Variants in MAP2 observed in about 807,000 individuals in gnomAD.
The protein encoded by MAP2 is microtubule-associated protein 2.
Under a neutral mutation model 137.6 loss-of-function variants are expected in MAP2, and 14 were observed. The ratio of observed to expected loss-of-function variants is 0.10; its 90% CI spans 0.07 to 0.16. MAP2 has a LOEUF of 0.16. Ranked by LOEUF, MAP2 falls within the 10% of genes least tolerant of loss-of-function variation. MAP2 has a pLI of 1.00. For synonymous variants in MAP2, 786 were observed against 782.3 expected (o/e 1.00, Z -0.08); for missense variants, 2,088 against 2,191.5 (o/e 0.95, Z 0.94).
chr2:209,584,155 G>C (rs1314506310), intron 3 of MAP2, among the ~76,000 whole-genome samples: 2 of 151,902 alleles, frequency 1.3e-5, no homozygotes, highest in Non-Finnish European at 2.9e-5. Context: ...AACATATTAT[G>C]GATAATTTAT....
chr2:209,469,680 C>A (rs889704445), intron 1 of MAP2, among the ~76,000 whole-genome samples: 16 of 152,124 alleles, frequency 1.1e-4, no homozygotes, highest in Non-Finnish European at 1.5e-4. Context: ...CTCTCTCATA[C>A]ACACATCCCT....
chr2:209,509,903 A>G (rs2061522465), intron 2 of MAP2, among the ~76,000 whole-genome samples: 1 of 151,918 alleles, frequency 6.6e-6, no homozygotes, highest in African/African-American at 2.4e-5. Context: ...CTATAGTTAA[A>G]TTGACAGCAT....
intron 1 of MAP2, among the ~76,000 whole-genome samples, chr2:209,462,538 T>G (rs1365177294): frequency 6.6e-6 from 1 of 152,142 alleles, no homozygotes; most frequent in Non-Finnish European, 1.5e-5. Context: ...ACCTAGGAGC[T>G]GGGATCCAAG....
chr2:209,710,066 C>G lies in MAP2; in HGVS notation c.4885C>G (p.Pro1629Ala), dbSNP rs1212058077. 1 of 1,614,012 alleles carries G rather than the reference C, an allele frequency of 6.2e-7. No individual in the cohort carries two copies. The highest frequency in any genetic ancestry group is 2.2e-5 in the East Asian group (1 of 44,858). ...TPSYPRTPHTPGTPKSAILVP... is the reference protein window; with the variant it reads ...TPSYPRTPHTAGTPKSAILVP... ...TAGCTATCCCAGGACCCCTCACACACCAGGAACCCCCAAGTCTGCCATCTT... is the reference window on the plus strand; with the variant it reads ...TAGCTATCCCAGGACCCCTCACACAGCAGGAACCCCCAAGTCTGCCATCTT... The change falls in exon 13 of 16, where the codon CCA becomes GCA. Residue 1629 changes from proline to alanine, a missense_variant. By Grantham distance (27) the Pro-to-Ala change is conservative. Around this residue, in one of 6 missense-constraint regions of MAP2, gnomAD observed 591 missense variants for 642.6 expected, o/e 0.92. Coordinates refer to ENST00000682079, the MANE Select transcript of MAP2 (RefSeq NM_001375505.1).
intron 3 of MAP2, among the ~76,000 whole-genome samples, chr2:209,610,891 G>A (rs2086620526): frequency 6.6e-6 from 1 of 151,980 alleles, no homozygotes; most frequent in South Asian, 2.1e-4. Context: ...TATATGAATG[G>A]GACCCAGGAA....
chr2:209,659,366 A>C (rs1158267138), intron 5 of MAP2, among the ~76,000 whole-genome samples: 1 of 152,190 alleles, frequency 6.6e-6, no homozygotes, highest in Non-Finnish European at 1.5e-5. Context: ...GATGTGATTG[A>C]AAGCTGGAAG....
At chr2:209,543,403 A>T (rs1253268447) in intron 2 of MAP2, among the ~76,000 whole-genome samples, 1 of 152,250 alleles carries the variant, frequency 6.6e-6, no homozygotes, top group African/African-American at 2.4e-5. Context: ...ACACAGAAAC[A>T]GTAAGTGAGC....
At chr2:209,634,957 G>T (rs2093425492) in intron 4 of MAP2, among the ~76,000 whole-genome samples, 2 of 152,210 alleles carry the variant, frequency 1.3e-5, no homozygotes, top group African/African-American at 2.4e-5. Context: ...TAGCTAGGAA[G>T]GTTGCACCTG....
intron 7 of MAP2, among the ~76,000 whole-genome samples, chr2:209,683,251 A>T (rs2055539955): frequency 6.6e-6 from 1 of 152,226 alleles, no homozygotes; most frequent in African/African-American, 2.4e-5. Context: ...CTGTTTCAAG[A>T]TATTCAAGGA....
At chr2:209,593,632 AAAATATATATAT>A (rs1465833163) in intron 3 of MAP2, among the ~76,000 whole-genome samples, 3 of 61,154 alleles carry the variant, frequency 4.9e-5, no homozygotes, top group African/African-American at 2.1e-4. Context: ...AAAAAAAAAA[AAAATATATATAT>A]ATATATATAT....
intron 5 of MAP2, among the ~76,000 whole-genome samples, chr2:209,672,626 T>C (rs751967623): frequency 6.6e-6 from 1 of 151,844 alleles, no homozygotes; most frequent in Non-Finnish European, 1.5e-5. Context: ...GAACCTACTT[T>C]TATATAAAAT....
chr2:209,700,361 T>C (rs2061452993), intron 11 of MAP2, 23 bp downstream of exon 11: 2 of 1,584,506 alleles, frequency 1.3e-6, no homozygotes, highest in Non-Finnish European at 8.6e-7. Flanking sequence ...AGTTTTTCCT[T>C]GTTCTTCATT....
At chr2:209,528,895 TATATATACACAC>T (rs1030127211) in intron 2 of MAP2, among the ~76,000 whole-genome samples, 2 of 149,692 alleles carry the variant, frequency 1.3e-5, no homozygotes, top group Non-Finnish European at 3.0e-5. Flanking sequence ...TGTATATACA[TATATATACACAC>T]ATATATACAC....
intron 4 of MAP2, among the ~76,000 whole-genome samples, chr2:209,629,568 C>T (rs1045221868): frequency 6.6e-6 from 1 of 152,160 alleles, no homozygotes. Context: ...CGCTCCGTGG[C>T]ACTCTGTGTG....
intron 13 of MAP2, among the ~76,000 whole-genome samples, chr2:209,718,120 A>C (rs961684068): frequency 1.3e-5 from 2 of 152,212 alleles, no homozygotes; most frequent in African/African-American, 4.8e-5. Context: ...TTTTGTAACT[A>C]TAAATCAAAT....
chr2:209,472,864 G>T (rs16842934), intron 1 of MAP2, among the ~76,000 whole-genome samples: 10,074 of 152,214 alleles, frequency 0.066, 418 homozygotes, highest in African/African-American at 0.1. Context: ...GAAGGAAGTT[G>T]AGAGATCTTC....
At position 209,680,824 on chromosome 2, in the gene MAP2, G is replaced by C; in HGVS notation, c.451G>C (p.Glu151Gln). 1.2e-6 allele frequency: 2 copies of C among 1,613,362 alleles called. No individual in the cohort carries two copies. The highest frequency in any genetic ancestry group is 1.7e-5 in the Admixed American group (1 of 59,990). Residue 151 changes from glutamate (E) to glutamine (Q), a missense_variant, in exon 7 of 16, where the codon GAA becomes CAA. By Grantham distance (29) the Glu-to-Gln change is conservative (BLOSUM62 2). Transcript: ENST00000682079. ...PASEQTVTVE[E>Q]DLLTASKMEF... ...CTCAGAACAGACTGTCACAGTGGAG[G>C]AAGGTAAGGCCTATTGGACTTTTCA... is the stretch of plus-strand genomic sequence containing the variant.
intron 5 of MAP2, among the ~76,000 whole-genome samples, chr2:209,664,690 G>A (rs1368608392): frequency 6.6e-6 from 1 of 152,052 alleles, no homozygotes; most frequent in African/African-American, 2.4e-5. Flanking sequence ...GGAAAACCGT[G>A]GCTCATGCCT....
chr2:209,651,796 C>A (rs568998441), intron 4 of MAP2, among the ~76,000 whole-genome samples: 1 of 152,250 alleles, frequency 6.6e-6, no homozygotes, highest in Admixed American at 6.5e-5. Flanking sequence ...TCTAGCTCTT[C>A]CTGCTATGAA....
Sources: allele counts gnomAD v4.1 joint callset (sites outside exome capture counted in the v4.1 genomes callset), GRCh38; gene constraint gnomAD v4.1.1; regional missense constraint gnomAD v4.1.1; transcripts MANE v1.5; gene names NCBI Gene and HGNC (gene_info 2026-07-23, HGNC 2026-07-21).